Variants in NPSR1 observed in about 807,000 individuals in gnomAD.
The protein encoded by NPSR1 is neuropeptide S receptor.
A neutral mutation model predicts 46.9 loss-of-function variants in NPSR1; 48 were observed. The ratio of observed to expected loss-of-function variants is 1.02; its 90% CI spans 0.81 to 1.30. The LOEUF (loss-of-function observed/expected upper bound fraction) is 1.30. Ranked by LOEUF, NPSR1 falls within the 50% of genes most tolerant of loss-of-function variation. NPSR1 has a pLI of 0.00. For synonymous variants in NPSR1, 176 were observed against 168.1 expected, an observed-to-expected ratio of 1.05 and a Z score of -0.36; for missense variants, 450 against 449.5, an observed-to-expected ratio of 1.00 and a Z score of -0.01.
chr7:34,799,664 A>G (rs1307286749), intron 3 of NPSR1, among the ~76,000 whole-genome samples: 1 of 147,288 alleles, frequency 6.8e-6, no homozygotes, highest in Non-Finnish European at 1.5e-5. Flanking sequence ...TCAACTAACG[A>G]GCAAAATAAC....
At chr7:34,714,253 A>T (rs1783443393) in intron 2 of NPSR1, among the ~76,000 whole-genome samples, 1 of 152,206 alleles carries the variant, frequency 6.6e-6, no homozygotes, top group South Asian at 2.1e-4. Context: ...CAGGTTCTGA[A>T]ATTATGAAAT....
chr7:34,815,592 A>T (rs556172601), intron 4 of NPSR1, among the ~76,000 whole-genome samples: 1 of 152,320 alleles, frequency 6.6e-6, no homozygotes, highest in East Asian at 1.9e-4. Flanking sequence ...CTCCTCGAGA[A>T]TAGCAACCCC....
chr7:34,695,994 T>C (rs1443260492), intron 2 of NPSR1, among the ~76,000 whole-genome samples: 1 of 151,180 alleles, frequency 6.6e-6, no homozygotes, highest in African/African-American at 2.4e-5. Context: ...AAAAAAGACA[T>C]TTGCCCTCAT....
At chr7:34,837,934 G>T (rs1790429557) in intron 6 of NPSR1, among the ~76,000 whole-genome samples, 1 of 152,140 alleles carries the variant, frequency 6.6e-6, no homozygotes, top group African/African-American at 2.4e-5. Context: ...TTTTGTGGAG[G>T]TAGCCAAGGT....
chr7:34,868,543 G>A (rs1791375318), intron 8 of NPSR1, among the ~76,000 whole-genome samples: 1 of 151,614 alleles, frequency 6.6e-6, no homozygotes, highest in African/African-American at 2.4e-5. Context: ...GCACCACTAG[G>A]CACAGTAGTG....
At position 34,790,974 on chromosome 7, in the gene NPSR1, T is replaced by TTATGTTATATGTTATATTA. The variant is rs1562730229; in HGVS notation, c.384+12412_384+12413insGTTATATGTTATATTATAT. Reference sequence around the variant, plus strand: ...TATGTTATATGTTATATTATATATGTTATATGTTATATTATATATGTTATA... The same window carrying TTATGTTATATGTTATATTA: ...TATGTTATATGTTATATTATATATGTTATGTTATATGTTATATTATATATGTTATATTATATATGTTATA... On this transcript the variant is annotated intron_variant, in intron 3 of 8. Transcript: ENST00000360581. Among the ~76,000 whole-genome samples, 3 of 72,292 alleles carry TTATGTTATATGTTATATTA rather than the reference T, an allele frequency of 4.1e-5. 1 individual carries two copies. The highest frequency in any genetic ancestry group is 8.8e-5 in the Non-Finnish European group (3 of 34,062). 47.4% of individuals were successfully genotyped at this position (72,292 alleles called of 152,430 possible).
At chr7:34,824,674 C>T (rs1789736886) in intron 4 of NPSR1, among the ~76,000 whole-genome samples, 1 of 152,144 alleles carries the variant, frequency 6.6e-6, no homozygotes, top group Admixed American at 6.5e-5. Context: ...GTCCATCCCT[C>T]TCAAAAGTGA....
intron 2 of NPSR1, among the ~76,000 whole-genome samples, chr7:34,754,135 CCT>C (rs1188321648): frequency 1.3e-5 from 2 of 151,820 alleles, no homozygotes; most frequent in African/African-American, 4.8e-5. Flanking sequence ...CTCTTCTCCC[CCT>C]GTCCTTTTCT....
At chr7:34,865,848 AG>A (rs1791302022) in intron 8 of NPSR1, among the ~76,000 whole-genome samples, 1 of 151,660 alleles carries the variant, frequency 6.6e-6, no homozygotes, top group Admixed American at 6.5e-5. Flanking sequence ...GGTCATTCTC[AG>A]CAGACATAAT....
At chr7:34,675,885 A>G (rs1226411651) in intron 1 of NPSR1, among the ~76,000 whole-genome samples, 1 of 152,252 alleles carries the variant, frequency 6.6e-6, no homozygotes, top group Non-Finnish European at 1.5e-5. Context: ...AACATTTTAA[A>G]TACATTTCTT....
At chr7:34,836,304 A>G (rs1790367252) in intron 6 of NPSR1, among the ~76,000 whole-genome samples, 1 of 152,210 alleles carries the variant, frequency 6.6e-6, no homozygotes, top group African/African-American at 2.4e-5. Flanking sequence ...TCCTTCCTCT[A>G]TCAGATATCA....
intron 6 of NPSR1, 121 bp from the exon 7 acceptor site, chr7:34,844,775 G>T: frequency 1.4e-6 from 1 of 712,726 alleles, no homozygotes; most frequent in Non-Finnish European, 2.5e-6. Flanking sequence ...AGGCCATCTG[G>T]GCATAAATGC....
rs324961 is a variant in NPSR1 at position 34,763,006 on chromosome 7, G to C, written c.281-15456G>C. Reference sequence around the variant, plus strand: ...TGGGACTCAACTTGCCCTTTACACAGGGTGAATCCTACACTAGTGACCTTT... The same window carrying C: ...TGGGACTCAACTTGCCCTTTACACACGGTGAATCCTACACTAGTGACCTTT... On this transcript the variant is annotated intron_variant, in intron 2 of 8. Coordinates refer to ENST00000360581, the MANE Select transcript of NPSR1 (RefSeq NM_207172.2). Among the ~76,000 whole-genome samples, 1,272 of 152,288 alleles carry C rather than the reference G, an allele frequency of 8.4e-3. 20 individuals are homozygous for C. The highest frequency in any genetic ancestry group is 0.029 in the African/African-American group (1,200 of 41,546).
intron 4 of NPSR1, among the ~76,000 whole-genome samples, chr7:34,823,306 C>T (rs964270223): frequency 6.7e-6 from 1 of 148,608 alleles, no homozygotes; most frequent in East Asian, 2.1e-4. Flanking sequence ...GCACAAGAAT[C>T]GCTTGAACCT....
At chr7:34,774,108 T>C (rs1196298785) in intron 2 of NPSR1, among the ~76,000 whole-genome samples, 1 of 152,228 alleles carries the variant, frequency 6.6e-6, no homozygotes, top group Non-Finnish European at 1.5e-5. Flanking sequence ...ATTCATTGCT[T>C]GCAGCTTCAT....
At chr7:34,858,871 G>A (rs535567808) in intron 8 of NPSR1, among the ~76,000 whole-genome samples, 1 of 151,690 alleles carries the variant, frequency 6.6e-6, no homozygotes, top group South Asian at 2.1e-4. Flanking sequence ...CTGGGGGGGG[G>A]ACACAGATCC....
At chr7:34,787,168 A>T (rs147205682) in intron 3 of NPSR1, among the ~76,000 whole-genome samples, 102 of 152,200 alleles carry the variant, frequency 6.7e-4, no homozygotes, top group African/African-American at 2.3e-3. Context: ...TCTAACCTCA[A>T]TATTCTGGAT....
At chr7:34,804,797 AAAAC>A (rs1206899453) in intron 3 of NPSR1, among the ~76,000 whole-genome samples, 2 of 152,056 alleles carry the variant, frequency 1.3e-5, no homozygotes, top group African/African-American at 2.4e-5. Flanking sequence ...AAGAAAAATA[AAAAC>A]AAACAAAAAA....
downstream of NPSR1, among the ~76,000 whole-genome samples, chr7:34,853,356 C>T (rs1296783320): frequency 6.6e-6 from 1 of 152,202 alleles, no homozygotes; most frequent in Non-Finnish European, 1.5e-5. Flanking sequence ...TTTGAATGTA[C>T]CTCATCTTAT....
Sources: allele counts gnomAD v4.1 joint callset (sites outside exome capture counted in the v4.1 genomes callset), GRCh38; gene constraint gnomAD v4.1.1; transcripts MANE v1.5; gene names NCBI Gene and HGNC (gene_info 2026-07-23, HGNC 2026-07-21).